NMNAT1: variants seen among roughly 807,000 people sequenced by gnomAD.
NMNAT1 encodes the protein nicotinamide nucleotide adenylyltransferase 1.
In NMNAT1, 11 loss-of-function variants were observed where a neutral mutation model predicts 16.7. That is an observed-to-expected ratio of 0.66 (90% CI 0.41 to 1.09). The LOEUF (loss-of-function observed/expected upper bound fraction) is 1.09, where lower values mean the gene tolerates loss of function less well. Among genes scored for constraint, NMNAT1 ranks in the 50% least tolerant of loss-of-function variants. The probability of loss-of-function intolerance (pLI) is 0.00; values close to 1 mark genes in which losing one functional copy is unlikely to be tolerated. For missense variants in NMNAT1, 280 were observed against 332.3 expected (o/e 0.84, Z 1.22); for synonymous variants, 110 against 119.8 (o/e 0.92, Z 0.53).
At chr1:9,944,592 T>C (rs1002505107) in intron 1 of NMNAT1, among the ~76,000 whole-genome samples, 1 of 152,184 alleles carries the variant, frequency 6.6e-6, no homozygotes, top group Admixed American at 6.5e-5. Context: ...CATAGCTCAC[T>C]GCAGCCTTGA....
chr1:9,948,403 T>C (rs1468474829), intron 1 of NMNAT1, among the ~76,000 whole-genome samples: 1 of 151,982 alleles, frequency 6.6e-6, no homozygotes, highest in Non-Finnish European at 1.5e-5. Context: ...AGTGAAACCT[T>C]ATCTCTACAA....
downstream of NMNAT1, among the ~76,000 whole-genome samples, chr1:9,988,099 G>A (rs1222651734): frequency 6.6e-6 from 1 of 151,998 alleles, no homozygotes; most frequent in Non-Finnish European, 1.5e-5. Context: ...TCAGGTTCAA[G>A]AAATTCTCCT....
chr1:9,949,411 T>TTTG, intron 1 of NMNAT1, among the ~76,000 whole-genome samples: 1 of 18,764 alleles, frequency 5.3e-5, no homozygotes, highest in Non-Finnish European at 7.3e-4. Context: ...CTTCCACTGC[T>TTTG]TTTTTTTTTT....
chr1:9,982,285 G>T lies in NMNAT1; in HGVS notation c.440-16G>T, dbSNP rs181513024. ...AAGAAAAAGCATACCCCAAAGCTCT[G>T]TTTTATTCTTCCCAGCTGTGCCAAA... is the stretch of plus-strand genomic sequence containing the variant. On this transcript the variant is annotated splice_polypyrimidine_tract_variant and intron_variant, in intron 4 of 4. Coordinates refer to ENST00000377205, the MANE Select transcript of NMNAT1 (RefSeq NM_022787.4). 5.7e-4 allele frequency: 908 copies of T among 1,597,162 alleles called. 4 individuals carry two copies. The African/African-American group carries it at 0.011, about 19-fold the overall frequency.
intron 1 of NMNAT1, among the ~76,000 whole-genome samples, chr1:9,962,071 A>C (rs1020813650): frequency 6.6e-6 from 1 of 151,810 alleles, no homozygotes; most frequent in African/African-American, 2.4e-5. Context: ...CCCGGACCCC[A>C]AGTATCTTTC....
the NMNAT1 span, among the ~76,000 whole-genome samples, chr1:9,994,681 C>T: frequency 3.4e-5 from 5 of 145,450 alleles, no homozygotes; most frequent in African/African-American, 7.7e-5. Flanking sequence ...GGCGCGATCT[C>T]GGCTCACTGC....
At chr1:9,962,779 T>A (rs567491013) in intron 1 of NMNAT1, among the ~76,000 whole-genome samples, 21 of 148,644 alleles carry the variant, frequency 1.4e-4, no homozygotes, top group African/African-American at 4.7e-4. Flanking sequence ...CCTCCCGGGT[T>A]CACGCCATTC....
Position 9,982,435 on chromosome 1 carries a change from G to T in NMNAT1, c.574G>T (p.Asp192Tyr). Residue 192 changes from aspartate (D) to tyrosine (Y), a missense_variant, in exon 5 of 5, where the codon GAT becomes TAT. Transcript: ENST00000377205. ...GLICVTRAGN[D>Y]AQKFIYESDV... Reference sequence around the variant, plus strand: ...CATATGTGTTACTCGGGCTGGAAATGATGCTCAGAAGTTTATCTATGAATC... The same window carrying T: ...CATATGTGTTACTCGGGCTGGAAATTATGCTCAGAAGTTTATCTATGAATC... 6.2e-7 allele frequency: 1 copy of T among 1,614,174 alleles called. No individual in the cohort carries two copies. The highest frequency in any genetic ancestry group is 8.5e-7 in the Non-Finnish European group (1 of 1,180,042).
At chr1:9,986,647 CA>C (rs780069910), downstream of NMNAT1, among the ~76,000 whole-genome samples, 1 of 152,216 alleles carries the variant, frequency 6.6e-6, no homozygotes, top group Non-Finnish European at 1.5e-5. Flanking sequence ...ATTTGGGAAT[CA>C]GAGGCAGCAG....
intron 2 of NMNAT1, among the ~76,000 whole-genome samples, chr1:9,974,159 G>T (rs1198446984): frequency 6.6e-6 from 1 of 151,552 alleles, no homozygotes; most frequent in East Asian, 1.9e-4. Flanking sequence ...AGTTTCATGT[G>T]TATCCTTCCA....
At chr1:9,971,808 A>C (rs1378041679) in intron 1 of NMNAT1, among the ~76,000 whole-genome samples, 1 of 152,002 alleles carries the variant, frequency 6.6e-6, no homozygotes, top group Non-Finnish European at 1.5e-5. Context: ...TACAAAAATT[A>C]GTCTTTAAAA....
At chr1:9,943,665 C>G in intron 1 of NMNAT1, 150 bp downstream of exon 1, 1 of 152,260 alleles carries the variant, frequency 6.6e-6, no homozygotes, top group East Asian at 1.9e-4. Flanking sequence ...TTGATTGACC[C>G]TTAATTTTTT....
intron 1 of NMNAT1, among the ~76,000 whole-genome samples, chr1:9,966,144 C>G (rs767072428): frequency 2.0e-4 from 29 of 148,266 alleles, no homozygotes; most frequent in African/African-American, 6.3e-4. Context: ...ACCAAAAATA[C>G]GAAAATTAGC....
rs2101713162 is a variant in NMNAT1, at chr1:9,981,026, T to C, written c.300-5T>C. 4 of 1,599,134 alleles carry C rather than the reference T, an allele frequency of 2.5e-6. No individual in the cohort carries two copies. Among genetic ancestry groups the C allele is most frequent in the East Asian group, 2.2e-5 (1 of 44,806 alleles). ...GAAATATTCTATTGTTTTGTTGTTT[T>C]ATAGACACCATCAAGAGAAATTGGA... On this transcript the variant is annotated splice_polypyrimidine_tract_variant and splice_region_variant and intron_variant, in intron 3 of 4. Coordinates refer to ENST00000377205, the MANE Select transcript of NMNAT1 (RefSeq NM_022787.4).
At position 9,985,310 on chromosome 1, in the gene NMNAT1, A is replaced by G. The variant is rs1373778769; in HGVS notation, c.*2609A>G. On this transcript the variant is annotated 3_prime_UTR_variant, in exon 5 of 5. Transcript: ENST00000377205. Reference sequence around the variant, plus strand: ...CTTGTGCTCCTGAGTGCCTTATATCATAAGGAAACGGCAAAATCAGGGGAC... The same window carrying G: ...CTTGTGCTCCTGAGTGCCTTATATCGTAAGGAAACGGCAAAATCAGGGGAC... 2.0e-5 allele frequency: 3 copies of G among 152,122 alleles called. No individual in the cohort carries two copies. The highest frequency in any genetic ancestry group is 4.8e-5 in the African/African-American group (2 of 41,436). 9.4% of individuals were successfully genotyped at this position (152,122 alleles called of 1,614,324 possible).
chr1:9,964,092 AT>A (rs1641487650), intron 1 of NMNAT1, among the ~76,000 whole-genome samples: 1 of 151,638 alleles, frequency 6.6e-6, no homozygotes, highest in Non-Finnish European at 1.5e-5. Flanking sequence ...GGATTTCACC[AT>A]GTTGGCCAGG....
In NMNAT1 at chr1:9,982,922, A is replaced by T. The variant is rs1190512078; in HGVS notation, c.*221A>T. ...AGAGATCGAGACCATCCTGGCCAAT[A>T]TGGTGAAACCCCATCTCTACTAAAA... On this transcript the variant is annotated 3_prime_UTR_variant, in exon 5 of 5. Transcript: ENST00000377205. 9.6e-6 allele frequency: 4 copies of T among 416,774 alleles called. No individual in the cohort carries two copies. The highest frequency in any genetic ancestry group is 1.8e-5 in the Non-Finnish European group (4 of 228,534). 25.8% of individuals were successfully genotyped at this position (416,774 alleles called of 1,614,324 possible).
chr1:9,951,197 A>G (rs1451496913), intron 1 of NMNAT1: 1 of 152,012 alleles, frequency 6.6e-6, no homozygotes, highest in Admixed American at 6.6e-5. Flanking sequence ...AGCCTTTGAC[A>G]AGGATTGGTT....
At chr1:9,996,551 G>T in the NMNAT1 span, among the ~76,000 whole-genome samples, 5 of 152,240 alleles carry the variant, frequency 3.3e-5, no homozygotes, top group East Asian at 9.6e-4. Context: ...TACAGTTTTG[G>T]CTAATGAAAT....
Sources: allele counts gnomAD v4.1 joint callset (sites outside exome capture counted in the v4.1 genomes callset), GRCh38; gene constraint gnomAD v4.1.1; transcripts MANE v1.5; gene names NCBI Gene and HGNC (gene_info 2026-07-23, HGNC 2026-07-21).